Variants in TNIP1 observed in about 807,000 individuals in gnomAD.
TNIP1 encodes TNFAIP3 interacting protein 1, also known as TNFAIP3-interacting protein 1.
In TNIP1, 22 loss-of-function variants were observed where a neutral mutation model predicts 86.6. That is an observed-to-expected ratio of 0.25 (90% CI 0.18 to 0.36). The LOEUF is 0.36. TNIP1 is among the 10% of genes least tolerant of loss of function. The pLI is 1.00. For missense variants in TNIP1, 709 were observed against 820.6 expected, an observed-to-expected ratio of 0.86 and a Z score of 1.66; for synonymous variants, 294 against 313.0, an observed-to-expected ratio of 0.94 and a Z score of 0.64.
chr5:151,040,899 TG>T (rs1758332907), intron 11 of TNIP1, among the ~76,000 whole-genome samples: 2 of 152,186 alleles, frequency 1.3e-5, no homozygotes, highest in Non-Finnish European at 2.9e-5. Context: ...GGCAGTCAAG[TG>T]GCCTTTCCTC....
chr5:151,057,054 G>A, intron 5 of TNIP1, 97 bp from the exon 6 acceptor site: 1 of 1,204,280 alleles, frequency 8.3e-7, no homozygotes, highest in Non-Finnish European at 1.1e-6. Context: ...TCATGACTCA[G>A]TTTCCCCCTG....
upstream of TNIP1, among the ~76,000 whole-genome samples, chr5:151,082,353 G>T (rs940662733): frequency 3.3e-5 from 5 of 152,118 alleles, no homozygotes; most frequent in Non-Finnish European, 7.4e-5. Context: ...GGGAGGAAGC[G>T]ATGCAAACTC....
chr5:151,033,927 G>T, intron 15 of TNIP1, 128 bp from the exon 16 acceptor site: 1 of 770,636 alleles, frequency 1.3e-6, no homozygotes, highest in Non-Finnish European at 1.9e-6. Context: ...CTGGTATGTG[G>T]TCATGAAAGG....
chr5:151,034,408 A>G (rs1757399476), intron 15 of TNIP1: 3 of 285,532 alleles, frequency 1.1e-5, no homozygotes, highest in Admixed American at 1.2e-4. Context: ...AGGCTGGTAC[A>G]TGGGCACGGA....
At chr5:151,045,040 T>C (rs775340130) in intron 9 of TNIP1, among the ~76,000 whole-genome samples, 3 of 152,214 alleles carry the variant, frequency 2.0e-5, no homozygotes, top group Non-Finnish European at 4.4e-5. Context: ...AAGAAAATTC[T>C]TGAAATGGGA....
At chr5:151,035,916 C>G (rs7727034) in intron 13 of TNIP1, among the ~76,000 whole-genome samples, 101,118 of 152,086 alleles carry the variant, frequency 0.66, 34,372 homozygotes, top group Non-Finnish European at 0.75. Flanking sequence ...GGGCTTCAAG[C>G]TAGGACTTTA....
intron 13 of TNIP1, 128 bp downstream of exon 13, chr5:151,036,662 C>A (rs1757743291): frequency 7.2e-7 from 1 of 1,386,144 alleles, no homozygotes; most frequent in Non-Finnish European, 9.9e-7. Flanking sequence ...CAGTGGGGGG[C>A]CCTGGCCAAT....
At chr5:151,038,604 C>T (rs1047185561) in intron 12 of TNIP1, among the ~76,000 whole-genome samples, 1 of 152,144 alleles carries the variant, frequency 6.6e-6, no homozygotes, top group African/African-American at 2.4e-5. Context: ...TCCTCCACTC[C>T]CATCAGTGTT....
intron 1 of TNIP1, among the ~76,000 whole-genome samples, chr5:151,066,231 G>C (rs1303546788): frequency 2.0e-4 from 31 of 152,234 alleles, no homozygotes; most frequent in Admixed American, 2.0e-3. Flanking sequence ...AGACCTGAAA[G>C]AGGTGAGGGA....
chr5:151,059,828 A>AGAGAGTGTGTGTGTGTGTGT (rs1554076446), intron 5 of TNIP1, among the ~76,000 whole-genome samples: 1 of 56,398 alleles, frequency 1.8e-5, no homozygotes, highest in East Asian at 7.0e-4. Context: ...AGAGAGAGAG[A>AGAGAGTGTGTGTGTGTGTGT]GTGTGTGTGT....
Position 151,033,623 on chromosome 5 carries a change from C to T in TNIP1, c.1764G>A (p.Ser588=), listed in dbSNP as rs200926279. The T allele has an allele frequency of 4.8e-5, 61 of 1,269,392 alleles. No individual in the cohort carries two copies. The East Asian group carries it at 1.2e-3, about 24-fold the overall frequency. The allele number at this position is 1,269,392 out of a possible 1,614,324, so 78.6% of individuals were successfully genotyped here. Residue 588 remains serine, a synonymous_variant, in exon 16 of 18, where the codon TCG becomes TCA. Coordinates refer to ENST00000521591, the MANE Select transcript of TNIP1 (RefSeq NM_006058.5). ...ACAGACTCACCAGATGGAAGAGGCG[C>T]GAGTTGGGGAGTGGGGGCGGGTGCT... ...AMEHPPPLPN[S]RLFHLPEYTW...
In TNIP1 at chr5:151,039,100, G is replaced by C. The variant is rs1469466437; in HGVS notation, c.1260C>G (p.Asn420Lys). 1 of 1,613,054 alleles carries C rather than the reference G, an allele frequency of 6.2e-7. No homozygotes were observed. The highest frequency in any genetic ancestry group is 1.7e-5 in the Admixed American group (1 of 59,950). ...EYQEKEIQRL[N>K]KALEEALSIQ... ...GGACCCGGGCCAAGGCACCCACCTT[G>C]TTGAGCCGCTGGATCTCCTTTTCCT... The change falls in exon 12 of 18, where the codon AAC becomes AAG. Residue 420 changes from asparagine to lysine, a missense_variant. Transcript: ENST00000521591.
Position 151,033,761 on chromosome 5 carries a change from T to C in TNIP1, c.1626A>G (p.Glu542=), listed in dbSNP as rs1318505122. 1.5e-6 allele frequency: 2 copies of C among 1,363,052 alleles called. No homozygotes were observed. The highest frequency in any genetic ancestry group is 1.9e-6 in the Non-Finnish European group (2 of 1,050,738). 84.4% of individuals were successfully genotyped at this position (1,363,052 alleles called of 1,614,324 possible). ...CGTAGGGGTAGGCCCCGCAGAGATG[T>C]TCTGGGTGGGGCTCCACATGGTAAC... is the stretch of plus-strand genomic sequence containing the variant. ...GERYHVEPHP[E]HLCGAYPYAY... is the part of the protein sequence containing the mutation. Residue 542 remains glutamate, a synonymous_variant, in exon 16 of 18, where the codon GAA becomes GAG. Coordinates refer to ENST00000521591, the MANE Select transcript of TNIP1 (RefSeq NM_006058.5).
intron 11 of TNIP1, among the ~76,000 whole-genome samples, chr5:151,042,314 G>C (rs1758527879): frequency 6.6e-6 from 1 of 152,080 alleles, no homozygotes; most frequent in African/African-American, 2.4e-5. Flanking sequence ...AAAAAGTTCT[G>C]AATAAAAACA....
upstream of TNIP1, among the ~76,000 whole-genome samples, chr5:151,085,746 C>T (rs1764252119): frequency 6.6e-6 from 1 of 152,232 alleles, no homozygotes; most frequent in South Asian, 2.1e-4. Flanking sequence ...TCTGGGCTTG[C>T]ATCCAGGGTT....
At position 151,036,751 on chromosome 5, in the gene TNIP1, C is replaced by G. The variant is rs760297346; in HGVS notation, c.1395+39G>C. 12 of 1,613,262 alleles carry G rather than the reference C, an allele frequency of 7.4e-6. No homozygotes were observed. In the African/African-American group the frequency reaches 1.2e-4, roughly 16 times the overall value. On this transcript the variant is annotated intron_variant, in intron 13 of 17. Transcript: ENST00000521591. ...GCCCTCAGGAAAGCTCCAGCTCCCA[C>G]AGAGCACCTCCCACCTGATTTCCTC...
intron 15 of TNIP1, among the ~76,000 whole-genome samples, 181 bp from the exon 16 acceptor site, chr5:151,033,980 G>T (rs1379876490): frequency 6.6e-6 from 1 of 152,258 alleles, no homozygotes; most frequent in Non-Finnish European, 1.5e-5. Context: ...GGCATAGAAG[G>T]CTGGATATAT....
chr5:151,036,916 C>T lies in TNIP1; in HGVS notation c.1269G>A (p.Leu423=). ...GGGTTTGGATGCTCAGTGCTTCCTC[C>T]AGGGCCTGGAATCAGGAAAAGATGG... ...EKEIQRLNKA[L]EEALSIQTPP... The change falls in exon 13 of 18, where the codon CTG becomes CTA. Residue 423 remains leucine, a synonymous_variant. Coordinates refer to ENST00000521591, the MANE Select transcript of TNIP1 (RefSeq NM_006058.5). 1.2e-6 allele frequency: 2 copies of T among 1,603,604 alleles called. No homozygotes were observed. Among genetic ancestry groups the T allele is most frequent in the Non-Finnish European group, 1.7e-6 (2 of 1,174,506 alleles).
At chr5:151,085,186 G>A (rs985573358), upstream of TNIP1, among the ~76,000 whole-genome samples, 39 of 152,280 alleles carry the variant, frequency 2.6e-4, no homozygotes, top group African/African-American at 8.7e-4. Context: ...CTGGCCTCTG[G>A]GCTTAAATCA....
Sources: gnomAD v4.1 joint callset for allele counts (sites outside exome capture counted in the v4.1 genomes callset) on GRCh38, gnomAD v4.1.1 for gene constraint, MANE v1.5 for transcripts, NCBI Gene and HGNC (gene_info 2026-07-23, HGNC 2026-07-21) for gene names.